STRBP: variants seen among roughly 807,000 people sequenced by gnomAD.
STRBP encodes spermatid perinuclear RNA binding protein.
Under a neutral mutation model 80.1 loss-of-function variants are expected in STRBP, and 13 were observed. The observed-to-expected ratio is 0.16, with a 90% CI of 0.11 to 0.26. STRBP has a LOEUF of 0.26. STRBP is among the 10% of genes least tolerant of loss of function. The pLI is 1.00. For synonymous variants in STRBP, 284 were observed against 291.2 expected, an observed-to-expected ratio of 0.98 and a Z score of 0.25; for missense variants, 485 against 815.2, an observed-to-expected ratio of 0.59 and a Z score of 4.93.
chr9:123,139,452 T>G, intron 14 of STRBP, 77 bp downstream of exon 14: 4 of 1,203,492 alleles, frequency 3.3e-6, no homozygotes, highest in Non-Finnish European at 4.5e-6. Context: ...TGATTTTATT[T>G]ATACTTTTCC....
intron 2 of STRBP, among the ~76,000 whole-genome samples, chr9:123,193,051 G>A (rs999624228): frequency 1.3e-5 from 2 of 152,120 alleles, no homozygotes; most frequent in African/African-American, 4.8e-5. Context: ...ACGCCATCAT[G>A]ATTTGTCATT....
At chr9:123,250,461 A>C (rs983807510) in intron 1 of STRBP, among the ~76,000 whole-genome samples, 1 of 152,234 alleles carries the variant, frequency 6.6e-6, no homozygotes, top group Non-Finnish European at 1.5e-5. Flanking sequence ...CACATAAACA[A>C]GAGATCGTTG....
At chr9:123,129,144 C>A (rs1289084915) in intron 17 of STRBP, among the ~76,000 whole-genome samples, 1 of 152,058 alleles carries the variant, frequency 6.6e-6, no homozygotes, top group Non-Finnish European at 1.5e-5. Flanking sequence ...ACTGCTTGAA[C>A]CCAGGAGTTA....
At chr9:123,133,493 A>G (rs1316182913) in intron 16 of STRBP, among the ~76,000 whole-genome samples, 1 of 151,880 alleles carries the variant, frequency 6.6e-6, no homozygotes, top group Non-Finnish European at 1.5e-5. Flanking sequence ...TTGGAGCCCG[A>G]TTCCTCTGCT....
intron 1 of STRBP, among the ~76,000 whole-genome samples, chr9:123,259,074 AAG>A (rs2041103782): frequency 3.7e-5 from 5 of 133,478 alleles, no homozygotes; most frequent in African/African-American, 7.7e-5. Context: ...AAAAAAAAAA[AAG>A]GGGGGGGGAT....
chr9:123,118,864 A>G (rs948568236), downstream of STRBP, among the ~76,000 whole-genome samples: 2 of 152,360 alleles, frequency 1.3e-5, no homozygotes, highest in Admixed American at 1.3e-4. Context: ...CTTTGTAGAC[A>G]CACAAAGGAA....
At chr9:123,153,254 G>C (rs933279965) in intron 11 of STRBP, among the ~76,000 whole-genome samples, 7 of 151,002 alleles carry the variant, frequency 4.6e-5, no homozygotes, top group Admixed American at 4.6e-4. Flanking sequence ...GCAGTGGCAT[G>C]ATCTGGGCTC....
chr9:123,171,217 T>A (rs961216079), intron 5 of STRBP, among the ~76,000 whole-genome samples: 3 of 152,166 alleles, frequency 2.0e-5, no homozygotes, highest in African/African-American at 7.2e-5. Context: ...ATAATAAACA[T>A]AATATGCATT....
At chr9:123,135,826 T>C in intron 16 of STRBP, 1 of 451,354 alleles carries the variant, frequency 2.2e-6, no homozygotes, top group Non-Finnish European at 3.9e-6. Context: ...AATATAAATA[T>C]ACATGTACAT....
intron 16 of STRBP, among the ~76,000 whole-genome samples, chr9:123,134,222 C>T (rs2036260083): frequency 6.6e-6 from 1 of 152,060 alleles, no homozygotes; most frequent in African/African-American, 2.4e-5. Flanking sequence ...ATTAAGATTC[C>T]CCACTATAAC....
rs11399013 is a variant in STRBP at position 123,125,410 on chromosome 9, C to CTTTT, written c.*183_*186dup. On this transcript the variant is annotated 3_prime_UTR_variant, in exon 19 of 19. Coordinates refer to ENST00000348403, the MANE Select transcript of STRBP (RefSeq NM_018387.5). The stretch of plus-strand genomic sequence containing the variant: ...GGTACCGTTTTCACAGAACTGGTTT[C>CTTTT]TTTTTTTTTTTTCAAGTTTTAGAGA... 4 of 1,008,304 alleles carry CTTTT rather than the reference C, an allele frequency of 4.0e-6. No homozygotes were observed. The African/African-American group carries it at 5.0e-5, about 13-fold the overall frequency. 62.5% of individuals were successfully genotyped at this position (1,008,304 alleles called of 1,614,324 possible). A position where few individuals can be genotyped will look rare whatever the true frequency, so the allele number is the denominator to read the frequency against.
At chr9:123,223,913 A>T (rs1057140123) in intron 2 of STRBP, among the ~76,000 whole-genome samples, 5 of 152,210 alleles carry the variant, frequency 3.3e-5, no homozygotes, top group African/African-American at 1.2e-4. Context: ...CTTCTGACAC[A>T]GGCAGAACCA....
rs905985306 is a variant in STRBP, at chr9:123,115,275, A to G, written c.*84+654T>C. ...TCCCGTCTGGCTCAGTGGGAAGCCT[A>G]TCGCTCTTGGTAAATTACTCAGTAA... On this transcript the variant is annotated intron_variant and NMD_transcript_variant, in intron 3 of 3. Transcript: ENST00000471564. The surrounding 1 kb of genome is among the most constrained non-coding windows in gnomAD (Gnocchi z 5.0). The G allele has an allele frequency of 4.2e-5, 20 of 471,002 alleles. No homozygotes were observed. The highest frequency in any genetic ancestry group is 3.8e-4 in the African/African-American group (19 of 50,066). The allele number at this position is 471,002 out of a possible 1,614,324, so 29.2% of individuals were successfully genotyped here. A position where few individuals can be genotyped will look rare whatever the true frequency, so the allele number is the denominator to read the frequency against.
intron 1 of STRBP, among the ~76,000 whole-genome samples, chr9:123,257,417 A>AACAC (rs112138505): frequency 1.6e-4 from 23 of 147,656 alleles, no homozygotes; most frequent in Non-Finnish European, 2.1e-4. Context: ...AAAACACACA[A>AACAC]ACACACACAC....
chr9:123,184,724 T>A (rs1245661129), intron 2 of STRBP, among the ~76,000 whole-genome samples: 1 of 152,238 alleles, frequency 6.6e-6, no homozygotes, highest in African/African-American at 2.4e-5. Flanking sequence ...GATTATTCCA[T>A]GATGCTTTTA....
chr9:123,122,892 T>C lies in STRBP; in HGVS notation c.*2705A>G, dbSNP rs2035775742. The stretch of plus-strand genomic sequence containing the variant: ...TAAACTCCCTGACAAGAAACTATGC[T>C]AAAAAGGGGTTAAGTACAGATATTG... On this transcript the variant is annotated 3_prime_UTR_variant, in exon 19 of 19. Transcript: ENST00000348403. The C allele has an allele frequency of 3.0e-6, 3 of 985,526 alleles. No individual in the cohort carries two copies. The highest frequency in any genetic ancestry group is 3.6e-6 in the Non-Finnish European group (3 of 830,016). The allele number at this position is 985,526 out of a possible 1,614,324, so 61.0% of individuals were successfully genotyped here. A position where few individuals can be genotyped will look rare whatever the true frequency, so the allele number is the denominator to read the frequency against.
At position 123,126,987 on chromosome 9, in the gene STRBP, C is replaced by G. The variant is rs188286506; in HGVS notation, c.1942+1227G>C. Among the ~76,000 whole-genome samples, 44 of 152,196 alleles carry G rather than the reference C, an allele frequency of 2.9e-4. No individual in the cohort carries two copies. The highest frequency in any genetic ancestry group is 4.9e-4 in the Non-Finnish European group (33 of 68,036). ...AGTCTCCAATTCCTAGTTACCCATA[C>G]GGCTCAGTTCAAAATATGGGGAAGC... On this transcript the variant is annotated intron_variant, in intron 18 of 18. Transcript: ENST00000348403. This position sits in a 1 kb window ranked among gnomAD's most constrained non-coding sequence, Gnocchi z 4.4.
chr9:123,115,948 TCTCTCC>T lies in STRBP; in HGVS notation c.*59_*64del. 4 of 451,670 alleles carry T rather than the reference TCTCTCC, an allele frequency of 8.9e-6. No homozygotes were observed. Among genetic ancestry groups the T allele is most frequent in the Non-Finnish European group, 4.4e-6 (1 of 224,920 alleles). 28.0% of individuals were successfully genotyped at this position (451,670 alleles called of 1,614,324 possible). On this transcript the variant is annotated 3_prime_UTR_variant and NMD_transcript_variant, in exon 3 of 4. Coordinates refer to the STRBP transcript ENST00000471564. This position sits in a 1 kb window ranked among gnomAD's most constrained non-coding sequence, Gnocchi z 5.0. ...AAATACCTGGCAGGAGTGCCCACGT[TCTCTCC>T]AGGTCTCCTCTTCACCAGCCTTAAC...
At chr9:123,267,980 C>T (rs1287076415) in intron 1 of STRBP, among the ~76,000 whole-genome samples, 1 of 151,572 alleles carries the variant, frequency 6.6e-6, no homozygotes, top group Admixed American at 6.6e-5. Context: ...GATCCCTCTG[C>T]ACCCCTATTT....
Sources: allele counts gnomAD v4.1 joint callset (sites outside exome capture counted in the v4.1 genomes callset), GRCh38; gene constraint gnomAD v4.1.1; non-coding constraint Gnocchi (gnomAD v3.1); transcripts MANE v1.5; gene names NCBI Gene and HGNC (gene_info 2026-07-23, HGNC 2026-07-21).